The following ZNF782 variants were observed in gnomAD, a reference collection of about 807,000 sequenced individuals.
ZNF782 encodes zinc finger protein 782.
In ZNF782, 12 loss-of-function variants were observed where a neutral mutation model predicts 13.0. The observed-to-expected ratio is 0.92, with a 90% CI of 0.59 to 1.50. The LOEUF is 1.50. Ranked by LOEUF, ZNF782 falls within the 40% of genes most tolerant of loss-of-function variation. The pLI is 0.00. For synonymous variants in ZNF782, 284 were observed against 283.0 expected, an observed-to-expected ratio of 1.00 and a Z score of -0.04; for missense variants, 770 against 822.9, an observed-to-expected ratio of 0.94 and a Z score of 0.79.
At chr9:96,843,452 A>G (rs1375968224) in intron 4 of ZNF782, among the ~76,000 whole-genome samples, 1 of 152,210 alleles carries the variant, frequency 6.6e-6, no homozygotes. Flanking sequence ...TTCCACTTAT[A>G]TAACAGTCTC....
rs1851721605 is a variant in ZNF782, at chr9:96,863,116, TA to T, written c.-456-1514del. Among the ~76,000 whole-genome samples the T allele has an allele frequency of 6.6e-5, 10 of 152,188 alleles. No individual in the cohort carries two copies. In the South Asian group the frequency reaches 2.1e-3, roughly 32 times the overall value. Reference sequence around the variant, plus strand: ...TTGAAAAACATTACAACAAAGTACTTAACATACATTTATCTTGTCCCTCTGT... The same window carrying T: ...TTGAAAAACATTACAACAAAGTACTTACATACATTTATCTTGTCCCTCTGT... On this transcript the variant is annotated intron_variant, in intron 1 of 5. Transcript: ENST00000498811.
upstream of ZNF782, among the ~76,000 whole-genome samples, chr9:96,856,933 A>T (rs1346977041): frequency 1.3e-5 from 2 of 152,188 alleles, no homozygotes; most frequent in Non-Finnish European, 2.9e-5. Context: ...CCAACAACTG[A>T]CTATGGGGAA....
chr9:96,875,669 G>A, upstream of ZNF782: 1 of 450,680 alleles, frequency 2.2e-6, no homozygotes, highest in Non-Finnish European at 4.5e-6. Context: ...GCGTCCCCGG[G>A]ACCTCTAGCG....
chr9:96,892,272 A>G, the ZNF782 span: 2 of 152,202 alleles, frequency 1.3e-5, no homozygotes, highest in East Asian at 3.8e-4. Context: ...GGTGGGAACA[A>G]CCGAAATGTG....
At chr9:96,848,145 C>G (rs533766084) in intron 3 of ZNF782, among the ~76,000 whole-genome samples, 1 of 151,990 alleles carries the variant, frequency 6.6e-6, no homozygotes. Context: ...CAACAAACTA[C>G]GCATAGAGGG....
intron 4 of ZNF782, among the ~76,000 whole-genome samples, chr9:96,829,656 A>T (rs1398131117): frequency 6.6e-6 from 1 of 152,198 alleles, no homozygotes; most frequent in Non-Finnish European, 1.5e-5. Flanking sequence ...AGGAAAACAC[A>T]TTATTTTCAA....
intron 3 of ZNF782, among the ~76,000 whole-genome samples, chr9:96,846,408 T>TA (rs1349346426): frequency 1.3e-5 from 2 of 152,014 alleles, no homozygotes; most frequent in African/African-American, 4.8e-5. Context: ...AAACAGATTT[T>TA]AAAAAAATCA....
rs759863442 is a variant in ZNF782, at chr9:96,819,084, A to G, written c.939T>C (p.Phe313=). Residue 313 remains phenylalanine (F), a synonymous_variant, in exon 6 of 6, where the codon TTT becomes TTC. Coordinates refer to ENST00000481138, the MANE Select transcript of ZNF782 (RefSeq NM_001001662.3). ...TACGGTTGAAACTTTTTCCATATTC[A>G]AAGGGTTTCACCCCTATATGAACTC... The part of the protein sequence containing the change: ...HHRVHIGVKP[F]EYGKSFNRNS... The G allele has an allele frequency of 1.9e-6, 3 of 1,613,954 alleles. No individual in the cohort carries two copies. Among genetic ancestry groups the G allele is most frequent in the Admixed American group, 3.3e-5 (2 of 60,002 alleles).
the ZNF782 span, among the ~76,000 whole-genome samples, chr9:96,926,469 C>G: frequency 1.3e-5 from 2 of 152,200 alleles, no homozygotes; most frequent in African/African-American, 4.8e-5. Context: ...TAGAGTTGCA[C>G]AGCAGAAGAG....
At chr9:96,870,007 T>C (rs1420963692) in intron 1 of ZNF782, among the ~76,000 whole-genome samples, 1 of 152,230 alleles carries the variant, frequency 6.6e-6, no homozygotes, top group Non-Finnish European at 1.5e-5. Flanking sequence ...GTGACATCTT[T>C]AGGAGCCCAA....
intron 4 of ZNF782, among the ~76,000 whole-genome samples, chr9:96,831,994 C>T (rs1037886324): frequency 6.6e-6 from 1 of 152,050 alleles, no homozygotes; most frequent in African/African-American, 2.4e-5. Context: ...GACCATTTAA[C>T]GTAATTTTTG....
intron 4 of ZNF782, among the ~76,000 whole-genome samples, chr9:96,834,853 T>C (rs561911913): frequency 1.3e-5 from 2 of 150,002 alleles, no homozygotes; most frequent in East Asian, 3.9e-4. Flanking sequence ...GCTGGAAAAA[T>C]TTGGAGGGGC....
chr9:96,866,418 A>G (rs768986416), intron 1 of ZNF782, among the ~76,000 whole-genome samples: 1 of 152,218 alleles, frequency 6.6e-6, no homozygotes, highest in Non-Finnish European at 1.5e-5. Flanking sequence ...GCAGGTGCAC[A>G]GAAGTCAAGA....
At chr9:96,888,953 T>C in the ZNF782 span, 3 of 152,170 alleles carry the variant, frequency 2.0e-5, no homozygotes, top group African/African-American at 7.2e-5. Context: ...TGAAATCAGG[T>C]GATAACAGAA....
chr9:96,873,777 C>T (rs1564017565), intron 1 of ZNF782, among the ~76,000 whole-genome samples: 1 of 152,106 alleles, frequency 6.6e-6, no homozygotes, highest in East Asian at 1.9e-4. Flanking sequence ...TTCTAGAAGG[C>T]AATACAGTCA....
chr9:96,838,934 T>C (rs1851096416), intron 4 of ZNF782, among the ~76,000 whole-genome samples: 1 of 152,090 alleles, frequency 6.6e-6, no homozygotes, highest in Non-Finnish European at 1.5e-5. Context: ...CAGGCTGGTC[T>C]TGAACTCCTG....
At chr9:96,840,181 T>C (rs2118665020) in intron 4 of ZNF782, among the ~76,000 whole-genome samples, 1 of 152,274 alleles carries the variant, frequency 6.6e-6, no homozygotes, top group Admixed American at 6.5e-5. Context: ...ATAATATATA[T>C]TCACTTGGTC....
At chr9:96,839,660 A>ACC (rs143194632) in intron 4 of ZNF782, among the ~76,000 whole-genome samples, 326 of 149,552 alleles carry the variant, frequency 2.2e-3, no homozygotes, top group African/African-American at 7.5e-3. Context: ...CTAATCACTC[A>ACC]CCCCCCCCAC....
the ZNF782 span, among the ~76,000 whole-genome samples, chr9:96,916,665 G>GCCT: frequency 1.3e-5 from 2 of 152,056 alleles, no homozygotes; most frequent in African/African-American, 4.8e-5. Context: ...ATAGCTAGAT[G>GCCT]CCTGCGGTGT....
Sources: allele counts gnomAD v4.1 joint callset (sites outside exome capture counted in the v4.1 genomes callset), GRCh38; gene constraint gnomAD v4.1.1; transcripts MANE v1.5; gene names NCBI Gene and HGNC (gene_info 2026-07-23, HGNC 2026-07-21).